RGSL1: variants seen among roughly 807,000 people sequenced by gnomAD.
RGSL1 encodes regulator of G protein signaling protein-like.
Under a neutral mutation model 124.7 loss-of-function variants are expected in RGSL1, and 97 were observed. That is an observed-to-expected ratio of 0.78 (90% CI 0.66 to 0.92). RGSL1 has a LOEUF of 0.92. Ranked by LOEUF, RGSL1 falls within the 40% of genes least tolerant of loss-of-function variation. The probability of loss-of-function intolerance (pLI) is 0.00; values close to 1 mark genes in which losing one functional copy is unlikely to be tolerated. For synonymous variants in RGSL1, 424 were observed against 438.1 expected (o/e 0.97, Z 0.40); for missense variants, 1,233 against 1,288.4 (o/e 0.96, Z 0.66).
In RGSL1 at chr1:182,474,325, A is replaced by T; in HGVS notation, c.1214A>T (p.Asp405Val). The change falls in exon 6 of 22, where the codon GAC becomes GTC. Residue 405 changes from aspartate to valine, a missense_variant. Transcript: ENST00000294854. ...VEIQLLDLWQDLQHFLSVLLN... is the reference protein window; with the variant it reads ...VEIQLLDLWQVLQHFLSVLLN... ...ATCCAACTTCTTGACCTCTGGCAGG[A>T]CTTGCAGCATTTCCTCAGTGTCCTT... The T allele has an allele frequency of 6.4e-7, 1 of 1,551,812 alleles. No individual in the cohort carries two copies. Among genetic ancestry groups the T allele is most frequent in the Non-Finnish European group, 8.7e-7 (1 of 1,147,004 alleles).
intron 6 of RGSL1, among the ~76,000 whole-genome samples, chr1:182,484,103 G>A (rs1057126969): frequency 1.3e-5 from 2 of 152,086 alleles, no homozygotes; most frequent in African/African-American, 4.8e-5. Flanking sequence ...AGAATACTTG[G>A]GATACAGGGA....
At chr1:182,545,860 C>T (rs772887013) in intron 15 of RGSL1, among the ~76,000 whole-genome samples, 1 of 152,040 alleles carries the variant, frequency 6.6e-6, no homozygotes, top group Non-Finnish European at 1.5e-5. Flanking sequence ...CTGTCCTCGA[C>T]CTTTAAGAGT....
intron 21 of RGSL1, 72 bp downstream of exon 21, chr1:182,556,294 T>C (rs1055165596): frequency 8.2e-6 from 4 of 487,900 alleles, no homozygotes; most frequent in Non-Finnish European, 1.5e-5. Context: ...AGACCTGGGC[T>C]CTAGGTCTTG....
intron 9 of RGSL1, among the ~76,000 whole-genome samples, chr1:182,506,229 T>G (rs929554914): frequency 2.6e-5 from 4 of 152,218 alleles, no homozygotes; most frequent in Admixed American, 6.5e-5. Flanking sequence ...TCTCATTATA[T>G]TTAAATGTCT....
At chr1:182,527,260 A>G (rs1250701177) in intron 10 of RGSL1, among the ~76,000 whole-genome samples, 1 of 152,206 alleles carries the variant, frequency 6.6e-6, no homozygotes, top group Non-Finnish European at 1.5e-5. Flanking sequence ...CCTCACAGAA[A>G]TGACTGCTAA....
In RGSL1 at chr1:182,530,111, G is replaced by A. The variant is rs111748165; in HGVS notation, c.2126-133G>A. 3.1e-3 allele frequency: 1,919 copies of A among 617,028 alleles called. 26 individuals are homozygous for A. The highest frequency in any genetic ancestry group is 0.023 in the African/African-American group (1,236 of 53,808). The allele number at this position is 617,028 out of a possible 1,614,324, so 38.2% of individuals were successfully genotyped here. A position where few individuals can be genotyped will look rare whatever the true frequency, so the allele number is the denominator to read the frequency against. ...TGGAGATTTTCAAACAAACTATGGC[G>A]GGATCAGAGTCTAGCCAGATTGAAA... On this transcript the variant is annotated intron_variant, in intron 11 of 21. Coordinates refer to ENST00000294854, the MANE Select transcript of RGSL1 (RefSeq NM_001137669.2).
intron 2 of RGSL1, among the ~76,000 whole-genome samples, chr1:182,457,388 AGT>A (rs1355179330): frequency 2.0e-5 from 3 of 152,148 alleles, no homozygotes; most frequent in Non-Finnish European, 2.9e-5. Flanking sequence ...CACCCCACTC[AGT>A]GTGTGTTGTG....
intron 6 of RGSL1, among the ~76,000 whole-genome samples, chr1:182,481,645 C>T (rs1274917192): frequency 2.0e-5 from 3 of 152,096 alleles, no homozygotes; most frequent in Admixed American, 6.5e-5. Flanking sequence ...AAGTAAACCA[C>T]GGGTCAATAT....
intron 6 of RGSL1, among the ~76,000 whole-genome samples, chr1:182,480,427 T>C (rs1213899603): frequency 1.3e-5 from 2 of 151,848 alleles, no homozygotes; most frequent in East Asian, 3.9e-4. Context: ...TGAAACCCTG[T>C]CTCTAAAATA....
At chr1:182,526,503 A>T (rs1658752952) in intron 10 of RGSL1, among the ~76,000 whole-genome samples, 1 of 66,928 alleles carries the variant, frequency 1.5e-5, no homozygotes, top group Non-Finnish European at 3.9e-5. Flanking sequence ...CTCCGTCTCT[A>T]AAAAAAAAAA....
intron 4 of RGSL1, among the ~76,000 whole-genome samples, chr1:182,463,052 G>C (rs1411472366): frequency 6.6e-6 from 1 of 152,138 alleles, no homozygotes; most frequent in South Asian, 2.1e-4. Flanking sequence ...CCAGAACTTT[G>C]GAAGGCTGAG....
chr1:182,478,540 G>C (rs1443120400), intron 6 of RGSL1, among the ~76,000 whole-genome samples: 1 of 151,968 alleles, frequency 6.6e-6, no homozygotes, highest in Non-Finnish European at 1.5e-5. Context: ...CTCAAAGACA[G>C]ATCATTTCAG....
At chr1:182,468,168 G>A (rs1653508166) in intron 4 of RGSL1, among the ~76,000 whole-genome samples, 1 of 152,202 alleles carries the variant, frequency 6.6e-6, no homozygotes, top group South Asian at 2.1e-4. Context: ...CGCTGTTGGT[G>A]GGACTGTAAA....
chr1:182,460,476 A>G (rs1652730844), intron 4 of RGSL1: 2 of 375,608 alleles, frequency 5.3e-6, no homozygotes, highest in East Asian at 6.8e-5. Context: ...TGGCCGCAGA[A>G]CATAGTAAAA....
chr1:182,551,713 G>A (rs778282095), intron 18 of RGSL1, among the ~76,000 whole-genome samples: 25 of 150,376 alleles, frequency 1.7e-4, no homozygotes, highest in Non-Finnish European at 3.4e-4. Flanking sequence ...GTAAAAATTC[G>A]TAAAAAATAA....
chr1:182,520,896 A>C (rs1658286136), intron 9 of RGSL1, among the ~76,000 whole-genome samples: 1 of 152,182 alleles, frequency 6.6e-6, no homozygotes, highest in African/African-American at 2.4e-5. Context: ...TAAAACAATG[A>C]CTATATAACT....
chr1:182,461,195 A>G (rs536249253), intron 4 of RGSL1, among the ~76,000 whole-genome samples: 1 of 151,774 alleles, frequency 6.6e-6, no homozygotes, highest in Non-Finnish European at 1.5e-5. Context: ...AAACAACTGC[A>G]TATATGGAGA....
At chr1:182,550,987 T>C in intron 17 of RGSL1, 113 bp from the exon 18 acceptor site, 2 of 696,030 alleles carry the variant, frequency 2.9e-6, no homozygotes, top group Non-Finnish European at 5.0e-6. Flanking sequence ...CTCTTCTCTG[T>C]TGGACACCCA....
chr1:182,548,820 A>G lies in RGSL1; in HGVS notation c.2929A>G (p.Lys977Glu), dbSNP rs778131453. The change falls in exon 17 of 22, where the codon AAA becomes GAA. Residue 977 changes from lysine to glutamate, a missense_variant. Lys to Glu is a moderately conservative substitution (Grantham distance 56, BLOSUM62 1). Transcript: ENST00000294854. ...SVFPVVMYFW[K>E]RFCFWKATRS... ...CTTCCCCGTTGTTATGTACTTCTGG[A>G]AAAGGTAACTGTTTCTCCTTATTCA... is the stretch of plus-strand genomic sequence containing the variant. The G allele has an allele frequency of 2.1e-5, 32 of 1,551,414 alleles. No individual in the cohort carries two copies. The highest frequency in any genetic ancestry group is 3.3e-4 in the Middle Eastern group (2 of 6,012).
Sources: allele counts gnomAD v4.1 joint callset (sites outside exome capture counted in the v4.1 genomes callset), GRCh38; gene constraint gnomAD v4.1.1; transcripts MANE v1.5; gene names NCBI Gene and HGNC (gene_info 2026-07-23, HGNC 2026-07-21).